Variants in SLC26A7 observed in about 807,000 individuals in gnomAD.
The protein encoded by SLC26A7 is solute carrier family 26 member 7, also known as anion exchange transporter.
In SLC26A7, 59 loss-of-function variants were observed where a neutral mutation model predicts 82.5. The observed-to-expected ratio is 0.72, with a 90% CI of 0.58 to 0.89. SLC26A7 has a LOEUF of 0.89. Among genes scored for constraint, SLC26A7 ranks in the 40% least tolerant of loss-of-function variants. The pLI is 0.00. For missense variants in SLC26A7, 820 were observed against 793.0 expected (o/e 1.03, Z -0.41); for synonymous variants, 271 against 274.3 (o/e 0.99, Z 0.12).
At chr8:91,234,827 ACTTCCTTCCTTC>A (rs1315137017) in intron 2 of SLC26A7, among the ~76,000 whole-genome samples, 22 of 92,540 alleles carry the variant, frequency 2.4e-4, no homozygotes, top group South Asian at 4.2e-4. Flanking sequence ...CTACCTACCT[ACTTCCTTCCTTC>A]CTTCCTTCCT....
At chr8:91,274,979 G>A (rs1038696808) in intron 2 of SLC26A7, among the ~76,000 whole-genome samples, 1 of 152,048 alleles carries the variant, frequency 6.6e-6, no homozygotes, top group African/African-American at 2.4e-5. Context: ...ATATATCACT[G>A]ATATCAGTCA....
chr8:91,280,685 T>C (rs1008119534), intron 2 of SLC26A7, among the ~76,000 whole-genome samples: 11 of 152,242 alleles, frequency 7.2e-5, no homozygotes, highest in South Asian at 2.1e-4. Context: ...CCTACTTTTT[T>C]TTTCTCTGCA....
chr8:91,216,654 C>T (rs749901788), intron 1 of SLC26A7, among the ~76,000 whole-genome samples: 3 of 152,058 alleles, frequency 2.0e-5, no homozygotes, highest in Admixed American at 6.6e-5. Context: ...AGGAAAAGAC[C>T]ATATTTAGCC....
chr8:91,271,368 C>A (rs1363576369), intron 2 of SLC26A7, among the ~76,000 whole-genome samples: 1 of 152,126 alleles, frequency 6.6e-6, no homozygotes, highest in African/African-American at 2.4e-5. Flanking sequence ...TCCTAAGTGG[C>A]TAGAGCAGTG....
chr8:91,344,592 T>C (rs1359348739), intron 9 of SLC26A7, among the ~76,000 whole-genome samples: 1 of 152,204 alleles, frequency 6.6e-6, no homozygotes, highest in Non-Finnish European at 1.5e-5. Context: ...AACATAAAAC[T>C]AGCTAATCAA....
intron 2 of SLC26A7, among the ~76,000 whole-genome samples, chr8:91,261,889 G>C (rs555494478): frequency 6.6e-6 from 1 of 152,068 alleles, no homozygotes; most frequent in Non-Finnish European, 1.5e-5. Flanking sequence ...GTGGGGAAAA[G>C]AAAGAGAAAC....
chr8:91,337,393 C>A (rs1813272179), intron 6 of SLC26A7, among the ~76,000 whole-genome samples: 1 of 152,072 alleles, frequency 6.6e-6, no homozygotes, highest in Non-Finnish European at 1.5e-5. Context: ...ATACCATAAT[C>A]ATGTGAAATT....
intron 2 of SLC26A7, among the ~76,000 whole-genome samples, chr8:91,272,706 C>T (rs1811304870): frequency 6.6e-6 from 1 of 152,098 alleles, no homozygotes; most frequent in Non-Finnish European, 1.5e-5. Context: ...TTAACATAGT[C>T]TAGGTCATAA....
intron 2 of SLC26A7, 51 bp from the exon 3 acceptor site, chr8:91,289,085 C>A (rs372593698): frequency 6.1e-6 from 7 of 1,146,906 alleles, no homozygotes; most frequent in South Asian, 5.0e-5. Flanking sequence ...GTGTAACAGA[C>A]TGTGTCTTGG....
intron 14 of SLC26A7, among the ~76,000 whole-genome samples, chr8:91,368,132 A>G (rs192213638): frequency 1.4e-4 from 21 of 152,314 alleles, no homozygotes; most frequent in Admixed American, 2.6e-4. Context: ...GAGAAAAACT[A>G]TAGAGGTAAA....
intron 2 of SLC26A7, among the ~76,000 whole-genome samples, chr8:91,266,085 C>G (rs959264026): frequency 6.6e-6 from 1 of 151,548 alleles, no homozygotes; most frequent in Non-Finnish European, 1.5e-5. Context: ...ACATTTAAGT[C>G]GTTAATTCAT....
chr8:91,224,599 C>T (rs1810208723), intron 2 of SLC26A7, among the ~76,000 whole-genome samples: 1 of 152,190 alleles, frequency 6.6e-6, no homozygotes, highest in Non-Finnish European at 1.5e-5. Context: ...GCCCCAACCC[C>T]TGATGCCAGT....
intron 4 of SLC26A7, among the ~76,000 whole-genome samples, chr8:91,308,061 A>G (rs1475132308): frequency 1.3e-5 from 2 of 152,036 alleles, no homozygotes; most frequent in Admixed American, 6.6e-5. Flanking sequence ...ACCACATTAC[A>G]TTTAGTTGTC....
intron 7 of SLC26A7, among the ~76,000 whole-genome samples, chr8:91,340,154 C>G (rs1813361702): frequency 6.6e-6 from 1 of 152,130 alleles, no homozygotes; most frequent in Non-Finnish European, 1.5e-5. Flanking sequence ...GTGGTGTAAT[C>G]TGAATTCTCT....
At chr8:91,214,160 G>A (rs1809993659) in intron 1 of SLC26A7, among the ~76,000 whole-genome samples, 1 of 152,088 alleles carries the variant, frequency 6.6e-6, no homozygotes, top group African/African-American at 2.4e-5. Flanking sequence ...TGGTGGAAAA[G>A]CAAGGAAAGT....
At position 91,334,162 on chromosome 8, in the gene SLC26A7, A is replaced by T. The variant is rs1586422647; in HGVS notation, c.643-133A>T. The T allele has an allele frequency of 6.4e-6, 5 of 786,922 alleles. No homozygotes were observed. The East Asian group carries it at 1.3e-4, about 21-fold the overall frequency. 48.7% of individuals were successfully genotyped at this position (786,922 alleles called of 1,614,324 possible). On this transcript the variant is annotated intron_variant, in intron 5 of 18. Transcript: ENST00000276609. Reference sequence around the variant, plus strand: ...TAGCATTAGCACTGACTACCCGCCTACCTATATCTTTCCTCTCCCTAGCCA... The same window carrying T: ...TAGCATTAGCACTGACTACCCGCCTTCCTATATCTTTCCTCTCCCTAGCCA...
At chr8:91,249,940 A>AAATAAATGG in intron 2 of SLC26A7, 96 bp downstream of exon 2, 1 of 897,460 alleles carries the variant, frequency 1.1e-6, no homozygotes, top group Non-Finnish European at 1.6e-6. Flanking sequence ...CAATTTAGCT[A>AAATAAATGG]AATAAATGGA....
chr8:91,244,995 A>G (rs569596595), upstream of SLC26A7, among the ~76,000 whole-genome samples: 2 of 152,234 alleles, frequency 1.3e-5, no homozygotes, highest in Non-Finnish European at 2.9e-5. Flanking sequence ...TGTTGAGAAC[A>G]TAGAACTTTG....
chr8:91,376,362 A>G (rs772762411), intron 15 of SLC26A7, among the ~76,000 whole-genome samples: 1 of 152,080 alleles, frequency 6.6e-6, no homozygotes, highest in Non-Finnish European at 1.5e-5. Context: ...CTTATTTTTG[A>G]ATTTTATATA....
Sources: allele counts gnomAD v4.1 joint callset (sites outside exome capture counted in the v4.1 genomes callset), GRCh38; gene constraint gnomAD v4.1.1; transcripts MANE v1.5; gene names NCBI Gene and HGNC (gene_info 2026-07-23, HGNC 2026-07-21).